The following ZDHHC14 variants were observed in gnomAD, a reference collection of about 807,000 sequenced individuals.
ZDHHC14 encodes the protein palmitoyltransferase ZDHHC14.
Under a neutral mutation model 47.7 loss-of-function variants are expected in ZDHHC14, and 16 were observed. The observed-to-expected ratio is 0.34, with a 90% confidence interval of 0.23 to 0.51. The LOEUF (loss-of-function observed/expected upper bound fraction) is 0.51. Among genes scored for constraint, ZDHHC14 ranks in the 20% least tolerant of loss-of-function variants. The pLI is 0.97. For missense variants in ZDHHC14, 515 were observed against 662.5 expected, an observed-to-expected ratio of 0.78 and a Z score of 2.44; for synonymous variants, 293 against 278.9, an observed-to-expected ratio of 1.05 and a Z score of -0.50.
At chr6:157,570,835 A>G (rs1017853998) in intron 2 of ZDHHC14, among the ~76,000 whole-genome samples, 1 of 152,116 alleles carries the variant, frequency 6.6e-6, no homozygotes, top group East Asian at 1.9e-4. Flanking sequence ...ATATATACAC[A>G]CACACATACA....
intron 1 of ZDHHC14, among the ~76,000 whole-genome samples, chr6:157,390,163 A>G (rs1431977847): frequency 6.6e-6 from 1 of 152,092 alleles, no homozygotes. Flanking sequence ...GCATATTTTT[A>G]CTAGATGTAG....
At chr6:157,412,475 T>G (rs1241720724) in intron 1 of ZDHHC14, among the ~76,000 whole-genome samples, 4 of 152,072 alleles carry the variant, frequency 2.6e-5, no homozygotes, top group African/African-American at 9.7e-5. Context: ...ATATTTTTAA[T>G]AGAGGCAGGG....
At chr6:157,669,584 C>T (rs954251412) in intron 8 of ZDHHC14, among the ~76,000 whole-genome samples, 1 of 152,214 alleles carries the variant, frequency 6.6e-6, no homozygotes, top group Non-Finnish European at 1.5e-5. Flanking sequence ...TTGGGCTGAA[C>T]CCTAAAACAG....
intron 3 of ZDHHC14, among the ~76,000 whole-genome samples, chr6:157,607,118 T>C (rs1385780524): frequency 6.6e-6 from 1 of 152,252 alleles, no homozygotes; most frequent in Admixed American, 6.5e-5. Flanking sequence ...TATTGCTTTC[T>C]TTTGTCATCT....
intron 1 of ZDHHC14, among the ~76,000 whole-genome samples, chr6:157,447,688 A>T (rs1048814443): frequency 3.3e-5 from 5 of 152,168 alleles, no homozygotes; most frequent in Non-Finnish European, 7.4e-5. Context: ...GTTGTCACGA[A>T]GTGTGTTTGT....
At chr6:157,471,942 G>A (rs963235294) in intron 1 of ZDHHC14, among the ~76,000 whole-genome samples, 1 of 152,190 alleles carries the variant, frequency 6.6e-6, no homozygotes, top group Non-Finnish European at 1.5e-5. Flanking sequence ...AAACTTGGGC[G>A]TTTTCACCAT....
intron 8 of ZDHHC14, among the ~76,000 whole-genome samples, chr6:157,658,609 G>C (rs1778206473): frequency 6.6e-6 from 1 of 152,216 alleles, no homozygotes; most frequent in Non-Finnish European, 1.5e-5. Context: ...TTGAGAGTAG[G>C]AGTGTGTGTT....
Position 157,382,112 on chromosome 6 carries a change from A to G in ZDHHC14, c.91A>G (p.Lys31Glu), listed in dbSNP as rs1343707492. Residue 31 changes from lysine to glutamate, a missense_variant, in exon 1 of 9, where the codon AAG (lysine) becomes GAG (glutamate). By Grantham distance (56) the Lys-to-Glu change is moderately conservative (BLOSUM62 1). Transcript: ENST00000359775. ...CTCCCCCATGGAGTCGCCCCACAAG[A>G]AGAAGAAAATCGCGGCCCGGAGGAA... ...SSSPMESPHK[K>E]KKIAARRKWE... 2 of 1,612,918 alleles carry G rather than the reference A, an allele frequency of 1.2e-6. No individual in the cohort carries two copies. The highest frequency in any genetic ancestry group is 1.1e-5 in the South Asian group (1 of 90,954).
rs375140302 is a variant in ZDHHC14, at chr6:157,407,019, T to C, written c.245+24753T>C. Among the ~76,000 whole-genome samples the C allele has an allele frequency of 5.3e-5, 8 of 152,204 alleles. No homozygotes were observed. In the East Asian group the frequency reaches 9.6e-4, roughly 18 times the overall value. On this transcript the variant is annotated intron_variant, in intron 1 of 8. Coordinates refer to ENST00000359775, the MANE Select transcript of ZDHHC14 (RefSeq NM_024630.3). ...GCCGTTCTCAACCTTGGATTAGAAG[T>C]GCCCTGGATGTATAAAAGAATTTCT... is the stretch of plus-strand genomic sequence containing the variant.
intron 2 of ZDHHC14, among the ~76,000 whole-genome samples, chr6:157,568,306 T>C (rs1026785073): frequency 7.9e-5 from 12 of 152,228 alleles, no homozygotes; most frequent in African/African-American, 2.9e-4. Flanking sequence ...TTGATTTTAA[T>C]ATATTAAAGG....
chr6:157,499,479 G>GCC (rs1043228228), intron 1 of ZDHHC14, among the ~76,000 whole-genome samples: 10,744 of 144,532 alleles, frequency 0.074, 573 homozygotes, highest in Non-Finnish European at 0.099. Context: ...ACCTCTCAAA[G>GCC]CCCCCCACCC....
chr6:157,640,584 G>T (rs1189822159), intron 5 of ZDHHC14, among the ~76,000 whole-genome samples: 2 of 152,284 alleles, frequency 1.3e-5, no homozygotes, highest in East Asian at 3.9e-4. Context: ...CTGCAGCTGT[G>T]CTGAGAAGTG....
At chr6:157,555,987 G>T (rs1054044191) in intron 2 of ZDHHC14, among the ~76,000 whole-genome samples, 1 of 152,152 alleles carries the variant, frequency 6.6e-6, no homozygotes, top group Non-Finnish European at 1.5e-5. Flanking sequence ...AGAGATGCAC[G>T]CTGGATTCAC....
intron 1 of ZDHHC14, among the ~76,000 whole-genome samples, chr6:157,473,631 C>T (rs958211321): frequency 6.6e-6 from 1 of 152,100 alleles, no homozygotes. Context: ...CATTCCTAAT[C>T]CAAAAACCCC....
chr6:157,639,869 G>T (rs954805342), intron 5 of ZDHHC14, among the ~76,000 whole-genome samples: 9 of 152,200 alleles, frequency 5.9e-5, no homozygotes, highest in African/African-American at 9.7e-5. Flanking sequence ...TTTACAAAAA[G>T]AATCTAAAAG....
intron 1 of ZDHHC14, among the ~76,000 whole-genome samples, chr6:157,514,111 T>C (rs2114754619): frequency 6.6e-6 from 1 of 152,308 alleles, no homozygotes; most frequent in South Asian, 2.1e-4. Flanking sequence ...TGAGTTGAGT[T>C]TCATTAGCAA....
intron 2 of ZDHHC14, among the ~76,000 whole-genome samples, chr6:157,584,216 C>T (rs1294189269): frequency 6.6e-6 from 1 of 152,144 alleles, no homozygotes; most frequent in East Asian, 1.9e-4. Flanking sequence ...AGGGAGGCTG[C>T]ACTGCTGGCC....
chr6:157,435,877 C>A (rs377596893), intron 1 of ZDHHC14, among the ~76,000 whole-genome samples: 1 of 152,268 alleles, frequency 6.6e-6, no homozygotes, highest in Admixed American at 6.5e-5. Context: ...AAGGGCCTGG[C>A]AGCGTGGCAG....
intron 1 of ZDHHC14, among the ~76,000 whole-genome samples, chr6:157,482,929 G>A (rs2114717690): frequency 6.6e-6 from 1 of 152,080 alleles, no homozygotes; most frequent in Admixed American, 6.5e-5. Context: ...TTTTGGTAGA[G>A]ATGGGGATTT....
Sources: gnomAD v4.1 joint callset for allele counts (sites outside exome capture counted in the v4.1 genomes callset) on GRCh38, gnomAD v4.1.1 for gene constraint, MANE v1.5 for transcripts, NCBI Gene and HGNC (gene_info 2026-07-23, HGNC 2026-07-21) for gene names.